The following UGT1A9 variants were observed in gnomAD, a reference collection of about 807,000 sequenced individuals.
UGT1A9 encodes the protein UDP glucuronosyltransferase family 1 member A9.
Under a neutral mutation model 45.0 loss-of-function variants are expected in UGT1A9, and 35 were observed. The observed-to-expected ratio is 0.78, with a 90% CI of 0.59 to 1.03. The LOEUF (loss-of-function observed/expected upper bound fraction) is 1.03, where lower values mean the gene tolerates loss of function less well. Ranked by LOEUF, UGT1A9 falls within the 50% of genes least tolerant of loss-of-function variation. The pLI is 0.00. For missense variants in UGT1A9, 687 were observed against 666.6 expected, an observed-to-expected ratio of 1.03 and a Z score of -0.34; for synonymous variants, 278 against 250.6, an observed-to-expected ratio of 1.11 and a Z score of -1.03.
At chr2:233,724,451 C>T (rs1350834688) in intron 1 of UGT1A9, among the ~76,000 whole-genome samples, 1 of 120,264 alleles carries the variant, frequency 8.3e-6, no homozygotes. Flanking sequence ...GACAGGGCAG[C>T]TGCCGGGCGG....
chr2:233,718,871 G>T (rs1468501233), intron 1 of UGT1A9: 1 of 1,613,900 alleles, frequency 6.2e-7, no homozygotes, highest in Admixed American at 1.7e-5. Context: ...CAGGACTGCT[G>T]CTCCTCCTCA....
chr2:233,755,126 C>T, intron 1 of UGT1A9: 1 of 1,323,304 alleles, frequency 7.6e-7, no homozygotes, highest in Non-Finnish European at 1.0e-6. Flanking sequence ...CCTCAGCCAC[C>T]TGCTTGAATC....
chr2:233,709,027 C>A (rs2076053667), intron 1 of UGT1A9, among the ~76,000 whole-genome samples: 1 of 152,124 alleles, frequency 6.6e-6, no homozygotes, highest in Non-Finnish European at 1.5e-5. Context: ...GCAGCAGGGG[C>A]TTCAGCCTGA....
intron 1 of UGT1A9, chr2:233,730,115 T>C (rs2077988108): frequency 6.4e-7 from 1 of 1,560,670 alleles, no homozygotes; most frequent in Non-Finnish European, 8.7e-7. Flanking sequence ...CTGCTTCTCC[T>C]TGTCATAATA....
intron 1 of UGT1A9, chr2:233,755,338 G>T (rs569505432): frequency 4.6e-6 from 2 of 431,822 alleles, no homozygotes; most frequent in South Asian, 2.1e-5. Flanking sequence ...CCCGCGCACA[G>T]GTCAGAGGCT....
intron 1 of UGT1A9, among the ~76,000 whole-genome samples, chr2:233,675,832 A>T (rs551333925): frequency 1.3e-5 from 2 of 152,336 alleles, no homozygotes; most frequent in African/African-American, 4.8e-5. Context: ...TCCATCACTG[A>T]ACAATTCATT....
intron 1 of UGT1A9, chr2:233,752,371 G>C (rs1694955006): frequency 6.6e-6 from 1 of 152,082 alleles, no homozygotes; most frequent in Non-Finnish European, 1.5e-5. Flanking sequence ...GTCTCAAGAG[G>C]GTCATCTTTG....
intron 1 of UGT1A9, chr2:233,743,535 C>T: frequency 7.3e-7 from 1 of 1,367,194 alleles, no homozygotes; most frequent in Non-Finnish European, 9.8e-7. Flanking sequence ...CCCAGCAGTT[C>T]CTCTGACCCC....
At chr2:233,698,309 G>A (rs187823497) in intron 1 of UGT1A9, among the ~76,000 whole-genome samples, 41 of 152,288 alleles carry the variant, frequency 2.7e-4, no homozygotes, top group Non-Finnish European at 8.8e-5. Context: ...TGGACAGATG[G>A]AAATGTCTGG....
In UGT1A9 at chr2:233,769,858, A is replaced by AC. The variant is rs557718673; in HGVS notation, c.1295+1419_1295+1420insC. The AC allele has an allele frequency of 9.4e-6, 1 of 106,936 alleles. No individual in the cohort carries two copies. Among genetic ancestry groups the AC allele is most frequent in the Non-Finnish European group, 1.7e-5 (1 of 60,026 alleles). 6.6% of individuals were successfully genotyped at this position (106,936 alleles called of 1,614,324 possible). On this transcript the variant is annotated intron_variant, in intron 4 of 4. Transcript: ENST00000354728. This position sits in a 1 kb window ranked among gnomAD's most constrained non-coding sequence, Gnocchi z 4.4. Reference sequence around the variant, plus strand: ...GGGCAACAGAGTGAGACCCTGTCTCAAAAAAAAAAAAAAAAATGAAAAGTC... The same window carrying AC: ...GGGCAACAGAGTGAGACCCTGTCTCACAAAAAAAAAAAAAAAATGAAAAGTC...
chr2:233,675,981 T>C (rs1013373282), intron 1 of UGT1A9, among the ~76,000 whole-genome samples: 1 of 152,188 alleles, frequency 6.6e-6, no homozygotes, highest in Non-Finnish European at 1.5e-5. Flanking sequence ...CATCTTTCCA[T>C]ACAGATCAAT....
At chr2:233,717,863 T>C (rs1490310722) in intron 1 of UGT1A9, 3 of 454,794 alleles carry the variant, frequency 6.6e-6, no homozygotes, top group East Asian at 6.9e-5. Flanking sequence ...TGGTGCTGGA[T>C]TGACTTGGAG....
intron 1 of UGT1A9, among the ~76,000 whole-genome samples, chr2:233,702,170 C>T (rs970119817): frequency 7.2e-5 from 11 of 152,194 alleles, no homozygotes; most frequent in African/African-American, 1.4e-4. Flanking sequence ...AGTCACTCTT[C>T]TTTCTCTCCT....
At chr2:233,713,510 G>A (rs956773418) in intron 1 of UGT1A9, 1 of 1,613,794 alleles carries the variant, frequency 6.2e-7, no homozygotes, top group African/African-American at 1.3e-5. Flanking sequence ...TGTTTTTCTT[G>A]AGGAACATTC....
rs571873235 is a variant in UGT1A9, at chr2:233,755,171, G to C, written c.856-11863G>C. On this transcript the variant is annotated intron_variant, in intron 1 of 4. Transcript: ENST00000354728. ...CTTCCTCCCTGTCCTCGGGGTTTTT[G>C]TCGGGGTGCCACTTGAGCGCCAGCT... 3.0e-4 allele frequency: 375 copies of C among 1,256,390 alleles called. 6 individuals carry two copies. In the South Asian group the frequency reaches 4.2e-3, roughly 14 times the overall value. The allele number at this position is 1,256,390 out of a possible 1,614,324, so 77.8% of individuals were successfully genotyped here.
intron 1 of UGT1A9, among the ~76,000 whole-genome samples, chr2:233,715,951 T>C (rs189079466): frequency 1.1e-3 from 172 of 152,286 alleles, no homozygotes; most frequent in African/African-American, 4.0e-3. Flanking sequence ...GTTTGTTGAC[T>C]GACTGACTGA....
At chr2:233,770,790 G>GAT (rs1474818165) in intron 4 of UGT1A9, 3 of 152,110 alleles carry the variant, frequency 2.0e-5, no homozygotes, top group African/African-American at 7.2e-5. Context: ...TAACATTATA[G>GAT]ATATGTTTAA....
intron 1 of UGT1A9, among the ~76,000 whole-genome samples, chr2:233,686,724 G>T (rs948109683): frequency 1.3e-5 from 2 of 152,120 alleles, no homozygotes; most frequent in Admixed American, 1.3e-4. Context: ...CGGCTATGAA[G>T]GTCAACCTCT....
At position 233,697,853 on chromosome 2, in the gene UGT1A9, G is replaced by A. The variant is rs373328291; in HGVS notation, c.855+25064G>A. On this transcript the variant is annotated intron_variant, in intron 1 of 4. Coordinates refer to ENST00000354728, the MANE Select transcript of UGT1A9 (RefSeq NM_021027.3). Reference sequence around the variant, plus strand: ...CTAATTAAGAAGTTAGTAAGCAAAAGTTATGCATTTATTTAATGATTTCTT... The same window carrying A: ...CTAATTAAGAAGTTAGTAAGCAAAAATTATGCATTTATTTAATGATTTCTT... Among the ~76,000 whole-genome samples, 3 of 152,022 alleles carry A rather than the reference G, an allele frequency of 2.0e-5. No homozygotes were observed. The East Asian group carries it at 5.8e-4, about 29-fold the overall frequency.
Sources: allele counts gnomAD v4.1 joint callset (sites outside exome capture counted in the v4.1 genomes callset), GRCh38; gene constraint gnomAD v4.1.1; non-coding constraint Gnocchi (gnomAD v3.1); transcripts MANE v1.5; gene names NCBI Gene and HGNC (gene_info 2026-07-23, HGNC 2026-07-21).